Variants in CBFA2T2 observed in about 807,000 individuals in gnomAD.
The protein encoded by CBFA2T2 is CBFA2/RUNX1 partner transcriptional co-repressor 2.
A neutral mutation model predicts 62.2 loss-of-function variants in CBFA2T2; 11 were observed. That is an observed-to-expected ratio of 0.18 (90% CI 0.11 to 0.29). The LOEUF is 0.29. CBFA2T2 is among the 10% of genes least tolerant of loss of function. The pLI, the probability that CBFA2T2 is intolerant of heterozygous loss-of-function variation, is 1.00. For missense variants in CBFA2T2, 592 were observed against 774.1 expected (o/e 0.76, Z 2.79); for synonymous variants, 295 against 287.5 (o/e 1.03, Z -0.27).
chr20:33,601,913 TC>T (rs1277086901), intron 1 of CBFA2T2: 1 of 151,842 alleles, frequency 6.6e-6, no homozygotes, highest in East Asian at 2.0e-4. Flanking sequence ...CAGGTGATCC[TC>T]CCACCCCAGC....
intron 1 of CBFA2T2, among the ~76,000 whole-genome samples, chr20:33,494,303 A>C: frequency 3.0e-4 from 4 of 13,124 alleles, no homozygotes; most frequent in Non-Finnish European, 5.3e-4. Context: ...TTTTTTTGAG[A>C]CAGAGTCTCG....
chr20:33,567,432 G>A, intron 1 of CBFA2T2, among the ~76,000 whole-genome samples: 1 of 152,106 alleles, frequency 6.6e-6, no homozygotes, highest in East Asian at 1.9e-4. Flanking sequence ...TCGCTTTCCA[G>A]GGTTTCAGTT....
chr20:33,530,655 C>T (rs1006515993), intron 1 of CBFA2T2, among the ~76,000 whole-genome samples: 74 of 151,998 alleles, frequency 4.9e-4, no homozygotes, highest in Non-Finnish European at 9.1e-4. Context: ...TTAAGTGATC[C>T]GCCCACCTCC....
intron 1 of CBFA2T2, among the ~76,000 whole-genome samples, chr20:33,605,440 G>A (rs1030765921): frequency 1.7e-4 from 26 of 152,168 alleles, no homozygotes; most frequent in African/African-American, 5.6e-4. Context: ...AACCCTGGTC[G>A]TATTATTAAC....
chr20:33,548,944 T>C (rs1411471458), intron 1 of CBFA2T2, among the ~76,000 whole-genome samples: 1 of 151,896 alleles, frequency 6.6e-6, no homozygotes, highest in Non-Finnish European at 1.5e-5. Flanking sequence ...TCCTGGATGA[T>C]AGAGCAAGAC....
At chr20:33,545,898 C>G (rs1372047132) in intron 1 of CBFA2T2, among the ~76,000 whole-genome samples, 1 of 152,118 alleles carries the variant, frequency 6.6e-6, no homozygotes, top group Non-Finnish European at 1.5e-5. Flanking sequence ...TATATTGATG[C>G]CAACTGAGGA....
intron 1 of CBFA2T2, among the ~76,000 whole-genome samples, chr20:33,544,350 C>T (rs545190545): frequency 7.9e-5 from 12 of 152,188 alleles, no homozygotes; most frequent in East Asian, 1.9e-4. Flanking sequence ...TGTCCTGCTG[C>T]GGCTCATTTC....
intron 1 of CBFA2T2, among the ~76,000 whole-genome samples, chr20:33,594,820 C>T (rs1267071885): frequency 6.6e-6 from 1 of 152,104 alleles, no homozygotes; most frequent in African/African-American, 2.4e-5. Context: ...GGGATTCAGT[C>T]GATTTTGATT....
chr20:33,531,870 G>T (rs1473306114), intron 1 of CBFA2T2, among the ~76,000 whole-genome samples: 1 of 152,156 alleles, frequency 6.6e-6, no homozygotes, highest in East Asian at 1.9e-4. Flanking sequence ...AGCTGGTAAA[G>T]ATCAAGTTAA....
chr20:33,547,871 A>G (rs923655767), intron 1 of CBFA2T2, among the ~76,000 whole-genome samples: 2 of 152,182 alleles, frequency 1.3e-5, no homozygotes, highest in African/African-American at 4.8e-5. Flanking sequence ...TTATTTCGTT[A>G]CTAATTTTTA....
chr20:33,646,916 A>C lies in CBFA2T2; in HGVS notation c.*2270A>C, dbSNP rs1480544867. 3.9e-5 allele frequency: 6 copies of C among 152,146 alleles called. No individual in the cohort carries two copies. Among genetic ancestry groups the C allele is most frequent in the Non-Finnish European group, 8.8e-5 (6 of 68,014 alleles). 9.4% of individuals were successfully genotyped at this position (152,146 alleles called of 1,614,324 possible). A position where few individuals can be genotyped will look rare whatever the true frequency, so the allele number is the denominator to read the frequency against. On this transcript the variant is annotated 3_prime_UTR_variant, in exon 11 of 11. Transcript: ENST00000342704. The stretch of plus-strand genomic sequence containing the variant: ...AATTTCAAGTCCCTAATTTACTCTA[A>C]CCAAGCATTTTCAGTCTTACAAAGA...
chr20:33,564,875 G>T (rs1307542440), intron 1 of CBFA2T2, among the ~76,000 whole-genome samples: 3 of 152,008 alleles, frequency 2.0e-5, no homozygotes, highest in African/African-American at 7.2e-5. Flanking sequence ...CCACCACGCT[G>T]ACTTGAAGGA....
intron 1 of CBFA2T2, among the ~76,000 whole-genome samples, chr20:33,558,480 TC>T (rs1172047695): frequency 6.6e-6 from 1 of 152,106 alleles, no homozygotes; most frequent in East Asian, 1.9e-4. Flanking sequence ...TCCCTCCATC[TC>T]CCTTTTTTTC....
chr20:33,556,058 A>G (rs2012890276), intron 1 of CBFA2T2, among the ~76,000 whole-genome samples: 1 of 152,128 alleles, frequency 6.6e-6, no homozygotes, highest in South Asian at 2.1e-4. Flanking sequence ...GTAGAGATGG[A>G]GTCTCACTAC....
intron 1 of CBFA2T2, among the ~76,000 whole-genome samples, chr20:33,494,844 C>A (rs953620597): frequency 6.6e-6 from 1 of 151,830 alleles, no homozygotes; most frequent in Non-Finnish European, 1.5e-5. Context: ...GTGATCCGCC[C>A]GTCTCAGCCT....
At chr20:33,619,402 A>G (rs1039113583) in intron 3 of CBFA2T2, 115 bp from the exon 4 acceptor site, 11 of 559,850 alleles carry the variant, frequency 2.0e-5, no homozygotes, top group Admixed American at 4.0e-5. Context: ...GCAAGACTCC[A>G]TCTCAAATAA....
chr20:33,587,744 AAAGAGGTTGTATGCTTCC>A, intron 1 of CBFA2T2, among the ~76,000 whole-genome samples: 1 of 152,202 alleles, frequency 6.6e-6, no homozygotes, highest in East Asian at 1.9e-4. Flanking sequence ...CCTATGTGGA[AAAGAGGTTGTATGCTTCC>A]AAGACAAAAA....
Position 33,624,872 on chromosome 20 carries a change from C to T in CBFA2T2, c.801C>T (p.Pro267=), listed in dbSNP as rs771053973. Residue 267 remains proline, a synonymous_variant, in exon 6 of 11, where the codon CCC becomes CCT. Coordinates refer to ENST00000342704, the MANE Select transcript of CBFA2T2 (RefSeq NM_001032999.3). The part of the protein sequence containing the change: ...APRHSPALTV[P]LMNPGGQFHP... ...GGCACAGTCCTGCTCTCACTGTGCC[C>T]CTCATGAATCCCGGGGGCCAATTCC... The T allele has an allele frequency of 1.5e-5, 25 of 1,614,136 alleles. No homozygotes were observed. The highest frequency in any genetic ancestry group is 1.9e-5 in the Non-Finnish European group (23 of 1,180,032).
chr20:33,619,700 C>A, intron 4 of CBFA2T2, 94 bp downstream of exon 4: 1 of 836,458 alleles, frequency 1.2e-6, no homozygotes, highest in Non-Finnish European at 1.8e-6. Flanking sequence ...CCGCTTGCCA[C>A]GTTTTTAGAT....
Sources: allele counts gnomAD v4.1 joint callset (sites outside exome capture counted in the v4.1 genomes callset), GRCh38; gene constraint gnomAD v4.1.1; transcripts MANE v1.5; gene names NCBI Gene and HGNC (gene_info 2026-07-23, HGNC 2026-07-21).